Variants in NCKAP5 observed in about 807,000 individuals in gnomAD.
NCKAP5 encodes the protein NCK associated protein 5, also known as nck-associated protein 5.
NCKAP5 carries 92 observed loss-of-function variants against 167.0 expected under a neutral mutation model. The ratio of observed to expected loss-of-function variants is 0.55; its 90% confidence interval spans 0.47 to 0.66. The LOEUF is 0.66. Ranked by LOEUF, NCKAP5 falls within the 30% of genes least tolerant of loss-of-function variation. The pLI, the probability that NCKAP5 is intolerant of heterozygous loss-of-function variation, is 0.00. For synonymous variants in NCKAP5, 891 were observed against 877.4 expected, an observed-to-expected ratio of 1.02 and a Z score of -0.27; for missense variants, 2,378 against 2,315.0, an observed-to-expected ratio of 1.03 and a Z score of -0.56.
intron 3 of NCKAP5, among the ~76,000 whole-genome samples, chr2:133,348,823 G>A (rs918955239): frequency 5.0e-4 from 76 of 152,134 alleles, no homozygotes; most frequent in African/African-American, 1.8e-3. Flanking sequence ...AGCTGGGAAG[G>A]ATTTACAAGA....
intron 3 of NCKAP5, among the ~76,000 whole-genome samples, chr2:133,396,077 G>A (rs970739425): frequency 1.3e-5 from 2 of 151,944 alleles, no homozygotes; most frequent in African/African-American, 4.8e-5. Context: ...ACCAACACAT[G>A]TAAAATCCAA....
intron 3 of NCKAP5, among the ~76,000 whole-genome samples, chr2:133,383,889 T>G (rs574558416): frequency 1.3e-5 from 2 of 152,372 alleles, no homozygotes; most frequent in African/African-American, 2.4e-5. Context: ...GTTCATATCC[T>G]TCGCCCACTT....
the NCKAP5 span, among the ~76,000 whole-genome samples, chr2:133,621,000 A>C: frequency 1.3e-5 from 2 of 152,332 alleles, no homozygotes; most frequent in South Asian, 4.1e-4. Flanking sequence ...ATGGAAATTA[A>C]GTAACCTGCT....
chr2:133,232,596 C>A (rs1298231569), intron 4 of NCKAP5, among the ~76,000 whole-genome samples: 2 of 151,952 alleles, frequency 1.3e-5, no homozygotes, highest in African/African-American at 4.8e-5. Flanking sequence ...GTGTGTGACA[C>A]CTTGATAAAT....
the NCKAP5 span, among the ~76,000 whole-genome samples, chr2:133,671,979 A>C: frequency 6.6e-6 from 1 of 152,248 alleles, no homozygotes; most frequent in Non-Finnish European, 1.5e-5. Context: ...AATCCTGACC[A>C]AAACAGAGAA....
chr2:132,957,247 C>T (rs1235470136), intron 8 of NCKAP5, among the ~76,000 whole-genome samples: 2 of 152,206 alleles, frequency 1.3e-5, no homozygotes, highest in African/African-American at 4.8e-5. Context: ...TTTGGTACAA[C>T]CTCACACTCA....
intron 11 of NCKAP5, among the ~76,000 whole-genome samples, chr2:132,830,131 A>G (rs777742004): frequency 1.3e-4 from 20 of 152,184 alleles, no homozygotes; most frequent in Non-Finnish European, 2.4e-4. Context: ...TCTGGGCATT[A>G]CTTTCTTTCT....
intron 9 of NCKAP5, among the ~76,000 whole-genome samples, chr2:132,875,311 A>G (rs1444829947): frequency 1.3e-5 from 2 of 152,164 alleles, no homozygotes. Flanking sequence ...CACCTGCTGC[A>G]GCTTCTTCTG....
chr2:132,680,715 G>A (rs1048998033), intron 19 of NCKAP5, among the ~76,000 whole-genome samples: 3 of 152,150 alleles, frequency 2.0e-5, no homozygotes, highest in Non-Finnish European at 4.4e-5. Context: ...AAAGATGGGA[G>A]GGGATGTCCC....
chr2:133,605,436 G>C, the NCKAP5 span, among the ~76,000 whole-genome samples: 1 of 152,144 alleles, frequency 6.6e-6, no homozygotes, highest in Admixed American at 6.5e-5. Flanking sequence ...CCCTGGGTGG[G>C]TTTCTGAGCA....
At chr2:133,229,839 T>C (rs1205942876) in intron 4 of NCKAP5, among the ~76,000 whole-genome samples, 5 of 152,050 alleles carry the variant, frequency 3.3e-5, no homozygotes, top group African/African-American at 1.2e-4. Context: ...CATGGGAACC[T>C]CTCAAAATCC....
At chr2:133,609,805 A>G in the NCKAP5 span, among the ~76,000 whole-genome samples, 6 of 152,188 alleles carry the variant, frequency 3.9e-5, no homozygotes, top group African/African-American at 1.4e-4. Context: ...AATATTAGGA[A>G]CATTTCTCTA....
intron 10 of NCKAP5, among the ~76,000 whole-genome samples, chr2:132,861,386 C>T (rs1689898504): frequency 6.6e-6 from 1 of 152,028 alleles, no homozygotes; most frequent in Non-Finnish European, 1.5e-5. Context: ...AATATCTATG[C>T]CCTTTTTGAT....
intron 5 of NCKAP5, among the ~76,000 whole-genome samples, chr2:133,143,747 C>A (rs1404044260): frequency 6.6e-6 from 1 of 152,012 alleles, no homozygotes; most frequent in Non-Finnish European, 1.5e-5. Flanking sequence ...AGTTCTAAGC[C>A]CTTTTCACAT....
At chr2:133,476,109 T>C (rs1679861263) in intron 3 of NCKAP5, among the ~76,000 whole-genome samples, 1 of 152,234 alleles carries the variant, frequency 6.6e-6, no homozygotes, top group Non-Finnish European at 1.5e-5. Context: ...GCATGTGATT[T>C]GAAAGCAGTT....
At chr2:132,942,030 T>G (rs1238060071) in intron 8 of NCKAP5, among the ~76,000 whole-genome samples, 1 of 152,184 alleles carries the variant, frequency 6.6e-6, no homozygotes, top group African/African-American at 2.4e-5. Flanking sequence ...TGTGTTATAG[T>G]TCCTAATTAA....
In NCKAP5 at chr2:133,416,378, C is replaced by T. The variant is rs1689108647; in HGVS notation, c.69+101080G>A. On this transcript the variant is annotated intron_variant, in intron 3 of 19. Transcript: ENST00000409261. ...GATTTGTTTTTTAGAAATCATTTAT[C>T]AATGTATAGGGATGAAAATGACATT... Among the ~76,000 whole-genome samples the T allele has an allele frequency of 2.6e-5, 4 of 152,206 alleles. No individual in the cohort carries two copies. The South Asian group carries it at 8.3e-4, about 32-fold the overall frequency.
chr2:132,962,912 C>T (rs2076560256), intron 8 of NCKAP5, among the ~76,000 whole-genome samples: 1 of 152,032 alleles, frequency 6.6e-6, no homozygotes, highest in Admixed American at 6.6e-5. Flanking sequence ...TTCCTTTATG[C>T]TAGTAGAGTT....
chr2:132,993,275 G>C (rs1286699866), intron 7 of NCKAP5, among the ~76,000 whole-genome samples: 1 of 152,154 alleles, frequency 6.6e-6, no homozygotes, highest in Non-Finnish European at 1.5e-5. Flanking sequence ...GTGATTTTCA[G>C]TAGAAGTCCT....
Sources: gnomAD v4.1 joint callset for allele counts (sites outside exome capture counted in the v4.1 genomes callset) on GRCh38, gnomAD v4.1.1 for gene constraint, MANE v1.5 for transcripts, NCBI Gene and HGNC (gene_info 2026-07-23, HGNC 2026-07-21) for gene names.